Variants in RANBP17 observed in about 807,000 individuals in gnomAD.
The protein encoded by RANBP17 is ran-binding protein 17.
Under a neutral mutation model 141.2 loss-of-function variants are expected in RANBP17, and 158 were observed. The ratio of observed to expected loss-of-function variants is 1.12; its 90% CI spans 0.98 to 1.28. The LOEUF is 1.28. Among genes scored for constraint, RANBP17 ranks in the 50% most tolerant of loss-of-function variants. The pLI is 0.00. For synonymous variants in RANBP17, 430 were observed against 450.0 expected, an observed-to-expected ratio of 0.96 and a Z score of 0.56; for missense variants, 1,438 against 1,290.7, an observed-to-expected ratio of 1.11 and a Z score of -1.75.
intron 14 of RANBP17, among the ~76,000 whole-genome samples, chr5:171,090,291 T>C (rs1233611206): frequency 6.6e-6 from 1 of 152,154 alleles, no homozygotes; most frequent in Non-Finnish European, 1.5e-5. Context: ...TCTTGTTATG[T>C]TTTAGCAAAG....
At chr5:171,189,995 C>T (rs147075836) in intron 18 of RANBP17, among the ~76,000 whole-genome samples, 1 of 151,622 alleles carries the variant, frequency 6.6e-6, no homozygotes, top group Admixed American at 6.6e-5. Flanking sequence ...AAAAGACAAA[C>T]TTTTTATATC....
intron 20 of RANBP17, 163 bp downstream of exon 20, chr5:171,205,775 A>C (rs1762544467): frequency 1.4e-6 from 1 of 706,136 alleles, no homozygotes. Flanking sequence ...AGAGCAGATA[A>C]CTGAGCACAG....
chr5:171,018,289 T>C (rs972314596), intron 14 of RANBP17, among the ~76,000 whole-genome samples: 2 of 152,220 alleles, frequency 1.3e-5, no homozygotes, highest in African/African-American at 4.8e-5. Context: ...TCTAATTCTG[T>C]GAAAAATGTC....
chr5:171,226,444 C>T (rs1763883026), intron 22 of RANBP17, among the ~76,000 whole-genome samples: 1 of 152,248 alleles, frequency 6.6e-6, no homozygotes, highest in South Asian at 2.1e-4. Context: ...ATGGATAGTA[C>T]AAGCTATGAT....
At chr5:170,873,637 G>GT (rs1192554970) in intron 1 of RANBP17, among the ~76,000 whole-genome samples, 2 of 152,168 alleles carry the variant, frequency 1.3e-5, no homozygotes, top group African/African-American at 4.8e-5. Context: ...GCATAAAAGT[G>GT]TTTATAGTAT....
chr5:171,237,301 T>G (rs1273813753), intron 22 of RANBP17, among the ~76,000 whole-genome samples: 1 of 152,198 alleles, frequency 6.6e-6, no homozygotes, highest in Admixed American at 6.5e-5. Context: ...ATATTTCTAA[T>G]AAGCCAAATT....
intron 14 of RANBP17, among the ~76,000 whole-genome samples, chr5:171,164,390 A>ATTT (rs1358791675): frequency 1.3e-5 from 2 of 152,174 alleles, no homozygotes; most frequent in Non-Finnish European, 2.9e-5. Context: ...ACAACTCAAA[A>ATTT]TTATGTTGCT....
chr5:171,176,332 A>G (rs1324385119), intron 16 of RANBP17, among the ~76,000 whole-genome samples: 1 of 152,096 alleles, frequency 6.6e-6, no homozygotes, highest in African/African-American at 2.4e-5. Context: ...GCTTGTTTTA[A>G]GTACAATAAT....
chr5:170,973,683 A>G (rs1212996179), intron 14 of RANBP17, among the ~76,000 whole-genome samples: 1 of 152,226 alleles, frequency 6.6e-6, no homozygotes, highest in Non-Finnish European at 1.5e-5. Flanking sequence ...ACATGGTCTT[A>G]GTCCTCTGGG....
intron 22 of RANBP17, among the ~76,000 whole-genome samples, chr5:171,225,565 A>C (rs1407321325): frequency 6.6e-6 from 1 of 151,516 alleles, no homozygotes. Context: ...AGGGCACAGA[A>C]GAGCCAGCAC....
In RANBP17 at chr5:171,055,331, A is replaced by G. The variant is rs533606686; in HGVS notation, c.1710+86954A>G. On this transcript the variant is annotated intron_variant, in intron 14 of 27. Transcript: ENST00000523189. ...TTGCAGGAAAAAAACATCAGAAACAACTGATGAAACTAGCATGTACTAACA... is the reference window on the plus strand; with the variant it reads ...TTGCAGGAAAAAAACATCAGAAACAGCTGATGAAACTAGCATGTACTAACA... Among the ~76,000 whole-genome samples, 4 of 152,220 alleles carry G rather than the reference A, an allele frequency of 2.6e-5. No individual in the cohort carries two copies. In the East Asian group the frequency reaches 7.7e-4, roughly 29 times the overall value.
chr5:170,990,302 A>G (rs1236373688), intron 14 of RANBP17, among the ~76,000 whole-genome samples: 1 of 151,976 alleles, frequency 6.6e-6, no homozygotes, highest in East Asian at 1.9e-4. Flanking sequence ...ATTTCTGCTT[A>G]TTTTATCAAA....
At chr5:171,218,068 C>G (rs1763328317) in intron 21 of RANBP17, among the ~76,000 whole-genome samples, 1 of 152,096 alleles carries the variant, frequency 6.6e-6, no homozygotes, top group Admixed American at 6.5e-5. Context: ...TAGCTGTGTC[C>G]CAGAGATTCT....
At chr5:171,215,056 C>A (rs1195997337) in intron 21 of RANBP17, among the ~76,000 whole-genome samples, 2 of 151,014 alleles carry the variant, frequency 1.3e-5, no homozygotes, top group South Asian at 4.2e-4. Flanking sequence ...CATCCCCTTG[C>A]CCCCCATCCC....
intron 14 of RANBP17, among the ~76,000 whole-genome samples, chr5:171,001,911 A>G (rs1272717312): frequency 3.3e-5 from 5 of 152,148 alleles, no homozygotes; most frequent in African/African-American, 4.8e-5. Flanking sequence ...CAGTGAAAGC[A>G]TCTACCGAGA....
intron 12 of RANBP17, among the ~76,000 whole-genome samples, chr5:170,932,948 C>T (rs1773523881): frequency 1.3e-5 from 2 of 152,134 alleles, no homozygotes; most frequent in African/African-American, 4.8e-5. Flanking sequence ...GGAGGATTCC[C>T]TCTTTTTCTG....
intron 14 of RANBP17, among the ~76,000 whole-genome samples, chr5:171,160,101 A>G (rs971930490): frequency 6.6e-6 from 1 of 152,128 alleles, no homozygotes; most frequent in Admixed American, 6.5e-5. Context: ...AAAAATGAGG[A>G]TGAAAGCTTT....
chr5:170,935,603 C>G (rs1339038999), intron 12 of RANBP17, among the ~76,000 whole-genome samples: 1 of 152,130 alleles, frequency 6.6e-6, no homozygotes, highest in Non-Finnish European at 1.5e-5. Context: ...CTGGGTATCA[C>G]CAGCTGAGGC....
intron 14 of RANBP17, among the ~76,000 whole-genome samples, chr5:171,097,553 C>CT: frequency 6.6e-6 from 1 of 150,966 alleles, no homozygotes; most frequent in African/African-American, 2.4e-5. Context: ...GAAATTAAGT[C>CT]TATCAATAGT....
Sources: gnomAD v4.1 joint callset for allele counts (sites outside exome capture counted in the v4.1 genomes callset) on GRCh38, gnomAD v4.1.1 for gene constraint, MANE v1.5 for transcripts, NCBI Gene and HGNC (gene_info 2026-07-23, HGNC 2026-07-21) for gene names.